Variants in NUP210L observed in about 807,000 individuals in gnomAD.
The protein encoded by NUP210L is nucleoporin 210 like, also known as nuclear pore membrane glycoprotein 210-like.
NUP210L carries 74 observed loss-of-function variants against 208.5 expected under a neutral mutation model. The observed-to-expected ratio is 0.35, with a 90% confidence interval of 0.29 to 0.43. NUP210L has a LOEUF of 0.43. Ranked by LOEUF, NUP210L falls within the 20% of genes least tolerant of loss-of-function variation. NUP210L has a pLI of 1.00. For missense variants in NUP210L, 1,843 were observed against 2,289.4 expected (o/e 0.81, Z 3.98); for synonymous variants, 780 against 816.9 (o/e 0.95, Z 0.77).
At chr1:154,148,030 T>G (rs1170902923) in intron 2 of NUP210L, among the ~76,000 whole-genome samples, 8 of 144,018 alleles carry the variant, frequency 5.6e-5, no homozygotes, top group Non-Finnish European at 1.2e-4. Flanking sequence ...GGGGCCGAGG[T>G]GGGTGGATCA....
At chr1:154,138,744 A>G (rs1658684690) in intron 5 of NUP210L, among the ~76,000 whole-genome samples, 1 of 152,206 alleles carries the variant, frequency 6.6e-6, no homozygotes, top group Non-Finnish European at 1.5e-5. Flanking sequence ...TCCCAAACCT[A>G]TTTATGCAAG....
chr1:154,149,881 C>T (rs1659299365), intron 2 of NUP210L, among the ~76,000 whole-genome samples: 1 of 152,146 alleles, frequency 6.6e-6, no homozygotes. Flanking sequence ...TACAGGTACA[C>T]TTCAGTTGTC....
rs573533349 is a variant in NUP210L at position 154,046,239 on chromosome 1, CA to C, written c.3565-40del. ...GCAGCATTGTGCTATATATTCTGCC[CA>C]GTTGCAATTATCAGAATAATGAGCC... On this transcript the variant is annotated intron_variant, in intron 26 of 39. Transcript: ENST00000368559. 541 of 1,613,992 alleles carry C rather than the reference CA, an allele frequency of 3.4e-4. 6 individuals are homozygous for C. In the East Asian group the frequency reaches 0.012, roughly 36 times the overall value.
intron 17 of NUP210L, among the ~76,000 whole-genome samples, chr1:154,062,170 T>C (rs968080521): frequency 3.9e-5 from 6 of 152,166 alleles, no homozygotes; most frequent in African/African-American, 1.4e-4. Flanking sequence ...TGTACCCATA[T>C]GACCCTGAGC....
intron 17 of NUP210L, among the ~76,000 whole-genome samples, chr1:154,062,117 C>A (rs11264972): frequency 6.6e-6 from 1 of 152,054 alleles, no homozygotes; most frequent in South Asian, 2.1e-4. Flanking sequence ...CGAGCCACCA[C>A]GCCCGGCCTG....
intron 35 of NUP210L, among the ~76,000 whole-genome samples, chr1:154,006,125 T>G (rs1650512989): frequency 6.6e-6 from 1 of 152,132 alleles, no homozygotes; most frequent in Admixed American, 6.6e-5. Flanking sequence ...CCCAAAGTGT[T>G]GGGATTACAG....
At chr1:154,060,860 A>G in intron 19 of NUP210L, 82 bp downstream of exon 19, 1 of 956,348 alleles carries the variant, frequency 1.0e-6, no homozygotes. Context: ...CACATAAGTA[A>G]GTTTTTTAAT....
At chr1:154,065,775 C>A (rs1654373297) in intron 17 of NUP210L, among the ~76,000 whole-genome samples, 2 of 151,606 alleles carry the variant, frequency 1.3e-5, no homozygotes, top group African/African-American at 4.8e-5. Context: ...TGCCTATAGT[C>A]CCAGCTACTC....
At chr1:154,118,597 T>C in intron 11 of NUP210L, 74 bp downstream of exon 11, 1 of 1,077,580 alleles carries the variant, frequency 9.3e-7, no homozygotes. Context: ...AATGTAACAT[T>C]AATCAAATTT....
chr1:153,996,260 C>T lies in NUP210L; in HGVS notation c.5387-1080G>A, dbSNP rs997824152. ...TGAACCGAGATCTCTCCACTGCACT[C>T]CAGCCTGGGTGACAGAGCCAGACTC... On this transcript the variant is annotated intron_variant, in intron 37 of 39. Coordinates refer to ENST00000368559, the Ensembl canonical transcript of NUP210L. 3.3e-5 allele frequency among the ~76,000 whole-genome samples: 5 copies of T among 152,250 alleles called. 1 individual carries two copies. The South Asian group carries it at 1.0e-3, about 32-fold the overall frequency.
intron 11 of NUP210L, 33 bp from the exon 12 acceptor site, chr1:154,117,913 C>T (rs371096957): frequency 2.3e-5 from 34 of 1,508,970 alleles, no homozygotes; most frequent in African/African-American, 2.8e-5. Context: ...TAATTACAAT[C>T]GGAAGAAAAT....
rs545738105 is a variant in NUP210L, at chr1:154,098,467, A to C, written c.1965+1531T>G. On this transcript the variant is annotated intron_variant, in intron 14 of 39. Transcript: ENST00000368559. ...TATGCAGAACAAGTGGAGGGTGAGCAAGGTGAAGAAGAGCTTTATTGAGTA... is the reference window on the plus strand; with the variant it reads ...TATGCAGAACAAGTGGAGGGTGAGCCAGGTGAAGAAGAGCTTTATTGAGTA... Among the ~76,000 whole-genome samples, 4 of 152,296 alleles carry C rather than the reference A, an allele frequency of 2.6e-5. No individual in the cohort carries two copies. In the East Asian group the frequency reaches 7.7e-4, roughly 29 times the overall value.
chr1:154,058,114 A>T, exon 22 of NUP210L: 1 of 1,614,196 alleles, frequency 6.2e-7, no homozygotes, highest in Non-Finnish European at 8.5e-7. Context: ...GCAGAAGCCA[A>T]CTGCAGTTTG....
chr1:154,094,747 A>C (rs979390791), intron 15 of NUP210L, among the ~76,000 whole-genome samples, 188 bp downstream of exon 15: 1 of 152,234 alleles, frequency 6.6e-6, no homozygotes, highest in Non-Finnish European at 1.5e-5. Context: ...TGGATGAGCA[A>C]ATTGAAACCT....
intron 32 of NUP210L, among the ~76,000 whole-genome samples, chr1:154,021,527 C>T (rs115015088): frequency 0.019 from 2,944 of 151,664 alleles, 96 homozygotes; most frequent in African/African-American, 0.069. Context: ...ATAGTTTATC[C>T]GGGTAAAAGA....
chr1:154,050,695 A>G (rs369964620), intron 25 of NUP210L, among the ~76,000 whole-genome samples: 75 of 152,328 alleles, frequency 4.9e-4, no homozygotes, highest in African/African-American at 1.8e-3. Context: ...TGGCAAATCC[A>G]TTTAGCTGAT....
rs371856596 is a variant in NUP210L at position 153,993,128 on chromosome 1, G to A, written c.5492-39C>T. ...AGGAAATGTCACAAGGCATATCTGA[G>A]GAAGGCCTTAAAAGGCAAAGTCAAC... is the stretch of plus-strand genomic sequence containing the variant. On this transcript the variant is annotated intron_variant, in intron 38 of 39. Transcript: ENST00000368559. 6.0e-6 allele frequency: 9 copies of A among 1,508,740 alleles called. No individual in the cohort carries two copies. The African/African-American group carries it at 1.3e-4, about 21-fold the overall frequency. The allele number at this position is 1,508,740 out of a possible 1,614,324, so 93.5% of individuals were successfully genotyped here.
intron 13 of NUP210L, among the ~76,000 whole-genome samples, chr1:154,100,919 T>C (rs1473215673): frequency 6.6e-6 from 1 of 151,894 alleles, no homozygotes. Flanking sequence ...ATGCCTATAA[T>C]CCCAACACTT....
At chr1:154,010,169 G>A (rs1211578540) in intron 34 of NUP210L, 48 bp from the exon 35 acceptor site, 3 of 1,570,448 alleles carry the variant, frequency 1.9e-6, no homozygotes, top group Non-Finnish European at 2.6e-6. Context: ...ACAAGAATTT[G>A]TAAAAAGAGA....
Sources: gnomAD v4.1 joint callset for allele counts (sites outside exome capture counted in the v4.1 genomes callset) on GRCh38, gnomAD v4.1.1 for gene constraint, MANE v1.5 for transcripts, NCBI Gene and HGNC (gene_info 2026-07-23, HGNC 2026-07-21) for gene names.